Variants in EIF2AK4 observed in about 807,000 individuals in gnomAD.
EIF2AK4 encodes eIF-2-alpha kinase GCN2.
In EIF2AK4, 139 loss-of-function variants were observed where a neutral mutation model predicts 211.1. That is an observed-to-expected ratio of 0.66 (90% CI 0.57 to 0.76). The LOEUF is 0.76. EIF2AK4 is among the 30% of genes least tolerant of loss of function. The probability of loss-of-function intolerance (pLI) is 0.00; values close to 1 mark genes in which losing one functional copy is unlikely to be tolerated. For synonymous variants in EIF2AK4, 710 were observed against 751.3 expected, an observed-to-expected ratio of 0.94 and a Z score of 0.90; for missense variants, 1,664 against 2,043.8, an observed-to-expected ratio of 0.81 and a Z score of 3.58.
At chr15:40,002,958 CCTTA>C (rs2035112611) in intron 22 of EIF2AK4, among the ~76,000 whole-genome samples, 170 bp downstream of exon 22, 1 of 152,144 alleles carries the variant, frequency 6.6e-6, no homozygotes, top group African/African-American at 2.4e-5. Context: ...AATATTACAG[CCTTA>C]CTATTAATAC....
intron 4 of EIF2AK4, among the ~76,000 whole-genome samples, chr15:39,949,838 G>C (rs2034282408): frequency 6.6e-6 from 1 of 151,862 alleles, no homozygotes; most frequent in African/African-American, 2.4e-5. Context: ...TATATCCTAT[G>C]CTGAGATTCT....
At chr15:39,952,015 A>G (rs2034324967) in intron 4 of EIF2AK4, among the ~76,000 whole-genome samples, 1 of 152,192 alleles carries the variant, frequency 6.6e-6, no homozygotes, top group African/African-American at 2.4e-5. Context: ...ATGCTTTAAT[A>G]TCTGACAAGT....
chr15:39,951,053 TCA>T (rs1160875037), intron 4 of EIF2AK4, among the ~76,000 whole-genome samples: 2 of 152,186 alleles, frequency 1.3e-5, no homozygotes, highest in African/African-American at 4.8e-5. Flanking sequence ...CTTTTTCCAC[TCA>T]CAGTCATATA....
At chr15:39,990,977 C>T (rs901564109) in intron 16 of EIF2AK4, among the ~76,000 whole-genome samples, 4 of 152,126 alleles carry the variant, frequency 2.6e-5, no homozygotes, top group African/African-American at 9.7e-5. Flanking sequence ...CTGTGAGGTG[C>T]AGGGGAGAGT....
chr15:40,019,784 T>A (rs1046798839), intron 30 of EIF2AK4, among the ~76,000 whole-genome samples: 2 of 152,202 alleles, frequency 1.3e-5, no homozygotes, highest in African/African-American at 4.8e-5. Context: ...AATTAATTCA[T>A]CCTTCCCTAG....
At chr15:40,016,837 A>C (rs1284559508) in intron 28 of EIF2AK4, among the ~76,000 whole-genome samples, 165 bp downstream of exon 28, 1 of 152,220 alleles carries the variant, frequency 6.6e-6, no homozygotes, top group African/African-American at 2.4e-5. Flanking sequence ...TTTGGCTTAA[A>C]TCAGGATTTC....
chr15:39,944,106 C>G (rs1165459097), intron 3 of EIF2AK4, among the ~76,000 whole-genome samples: 1 of 152,212 alleles, frequency 6.6e-6, no homozygotes, highest in Non-Finnish European at 1.5e-5. Context: ...CACCTCTCCC[C>G]TTTGCATATC....
At chr15:40,034,844 GACC>G (rs2035593303) in intron 38 of EIF2AK4, among the ~76,000 whole-genome samples, 180 bp from the exon 39 acceptor site, 1 of 152,096 alleles carries the variant, frequency 6.6e-6, no homozygotes, top group Admixed American at 6.5e-5. Flanking sequence ...TCCTTACTAG[GACC>G]TTATACTGCA....
chr15:39,967,318 CT>C (rs33911018), intron 8 of EIF2AK4, 25 bp from the exon 9 acceptor site: 54,461 of 1,345,866 alleles, frequency 0.04, 14 homozygotes, highest in South Asian at 0.099. Context: ...GCCCAATATT[CT>C]TTTTTTTTTT....
chr15:40,006,720 G>T (rs754211744), intron 23 of EIF2AK4, among the ~76,000 whole-genome samples: 19 of 152,022 alleles, frequency 1.2e-4, no homozygotes, highest in Non-Finnish European at 2.4e-4. Context: ...CATAATAAAA[G>T]CTCCACAGAG....
intron 3 of EIF2AK4, among the ~76,000 whole-genome samples, chr15:39,945,130 T>C (rs982579174): frequency 2.0e-5 from 3 of 152,072 alleles, no homozygotes; most frequent in Non-Finnish European, 4.4e-5. Context: ...GGATTTTTGA[T>C]TTGTGATTTA....
At chr15:39,979,430 C>T (rs925845489) in intron 13 of EIF2AK4, among the ~76,000 whole-genome samples, 3 of 152,050 alleles carry the variant, frequency 2.0e-5, no homozygotes, top group African/African-American at 7.2e-5. Flanking sequence ...TTACTTTGTC[C>T]AGATTAAGAA....
intron 3 of EIF2AK4, chr15:39,946,826 A>G: frequency 1.7e-6 from 1 of 594,376 alleles, no homozygotes; most frequent in Non-Finnish European, 3.0e-6. Flanking sequence ...CTGCAAAAAG[A>G]TTATGACGTC....
intron 3 of EIF2AK4, among the ~76,000 whole-genome samples, chr15:39,944,805 A>G (rs765784697): frequency 6.6e-6 from 1 of 152,208 alleles, no homozygotes; most frequent in Non-Finnish European, 1.5e-5. Flanking sequence ...TTTATTAGAC[A>G]TAACCAAAGA....
chr15:39,975,886 A>G (rs957075467), intron 11 of EIF2AK4, among the ~76,000 whole-genome samples: 10 of 152,240 alleles, frequency 6.6e-5, no homozygotes, highest in Non-Finnish European at 1.5e-4. Flanking sequence ...AAAGATAAGA[A>G]AATTGAGTCT....
At chr15:40,022,716 A>G in intron 32 of EIF2AK4, 111 bp downstream of exon 32, 2 of 814,522 alleles carry the variant, frequency 2.5e-6, no homozygotes, top group South Asian at 1.8e-5. Flanking sequence ...CGTTCCCTCT[A>G]CTCTCCCTTT....
chr15:40,003,249 C>T lies in EIF2AK4; in HGVS notation c.3292C>T (p.His1098Tyr). The T allele has an allele frequency of 6.2e-7, 1 of 1,614,140 alleles. No individual in the cohort carries two copies. The change falls in exon 23 of 39, where the codon CAC (histidine) becomes TAC (tyrosine). Residue 1098 changes from histidine to tyrosine, a missense_variant. By Grantham distance (83) the His-to-Tyr change is moderately conservative (BLOSUM62 2). Around this residue, in one of 7 missense-constraint regions of EIF2AK4, gnomAD observed 622 missense variants for 796.8 expected, o/e 0.78. Coordinates refer to ENST00000263791, the MANE Select transcript of EIF2AK4 (RefSeq NM_001013703.4). Reference sequence around the variant, plus strand: ...TCCCCGAAACAGACAAATATATGAGCACAACGAAGCTGCCCTATTCATGGA... The same window carrying T: ...TCCCCGAAACAGACAAATATATGAGTACAACGAAGCTGCCCTATTCATGGA... ...LLPRNRQIYE[H>Y]NEAALFMDHS...
chr15:40,011,457 T>G lies in EIF2AK4; in HGVS notation c.3759+111T>G, dbSNP rs2035234496. On this transcript the variant is annotated intron_variant, in intron 27 of 38. Coordinates refer to ENST00000263791, the MANE Select transcript of EIF2AK4 (RefSeq NM_001013703.4). ...GTAGCAGCCAGCGCTTCCTACCACC[T>G]CGCAGATGCAGTTTTTCCCTTGAGT... 5 of 832,914 alleles carry G rather than the reference T, an allele frequency of 6.0e-6. No individual in the cohort carries two copies. In the South Asian group the frequency reaches 8.4e-5, roughly 14 times the overall value. 51.6% of individuals were successfully genotyped at this position (832,914 alleles called of 1,614,324 possible).
rs1401362469 is a variant in EIF2AK4 at position 39,992,217 on chromosome 15, T to A, written c.2674T>A (p.Ser892Thr). The A allele has an allele frequency of 6.2e-6, 10 of 1,611,500 alleles. No individual in the cohort carries two copies. Among genetic ancestry groups the A allele is most frequent in the Non-Finnish European group, 8.5e-6 (10 of 1,178,760 alleles). The change falls in exon 17 of 39, where the codon TCA becomes ACA. Residue 892 changes from serine (S) to threonine (T), a missense_variant. By Grantham distance (58) the Ser-to-Thr change is moderately conservative. This residue lies in a region of EIF2AK4 where 622 missense variants were observed against 796.8 expected (regional missense o/e 0.78). Transcript: ENST00000263791. ...CGATCAGACAGGAGACTTGATTAAG[T>A]CAGACCCTTCAGGTAAACCCAGAAG... is the stretch of plus-strand genomic sequence containing the variant. ...QDDQTGDLIK[S>T]DPSGHLTGMV...
Sources: gnomAD v4.1 joint callset for allele counts (sites outside exome capture counted in the v4.1 genomes callset) on GRCh38, gnomAD v4.1.1 for gene constraint, gnomAD v4.1.1 regional missense constraint, MANE v1.5 for transcripts, NCBI Gene and HGNC (gene_info 2026-07-23, HGNC 2026-07-21) for gene names.